Variants in EML6 observed in about 807,000 individuals in gnomAD.
The protein encoded by EML6 is EMAP like 6.
Under a neutral mutation model 240.1 loss-of-function variants are expected in EML6, and 154 were observed. The observed-to-expected ratio is 0.64, with a 90% CI of 0.56 to 0.73. The LOEUF (loss-of-function observed/expected upper bound fraction) is 0.73, where lower values mean the gene tolerates loss of function less well. EML6 is among the 30% of genes least tolerant of loss of function. The pLI is 0.00. For synonymous variants in EML6, 1,148 were observed against 899.0 expected (o/e 1.28, Z -4.95); for missense variants, 2,964 against 2,474.6 (o/e 1.20, Z -4.20).
At position 54,968,181 on chromosome 2, in the gene EML6, A is replaced by G; in HGVS notation, c.5651A>G (p.Asp1884Gly). 1 of 1,551,708 alleles carries G rather than the reference A, an allele frequency of 6.4e-7. No individual in the cohort carries two copies. The highest frequency in any genetic ancestry group is 8.7e-7 in the Non-Finnish European group (1 of 1,147,004). Reference protein sequence around the residue: ...GIWPRNADKADVNCACVTHAG... With the variant: ...GIWPRNADKAGVNCACVTHAG... ...TGGCCACGAAATGCAGACAAGGCTG[A>G]TGTCAACTGCGCATGTGTGACCCAC... Residue 1884 changes from aspartate (D) to glycine (G), a missense_variant, in exon 40 of 42, where the codon GAT (aspartate) becomes GGT (glycine). By Grantham distance (94) the Asp-to-Gly change is moderately conservative (BLOSUM62 -1). Coordinates refer to ENST00000356458, the MANE Select transcript of EML6 (RefSeq NM_001039753.4).
intron 28 of EML6, among the ~76,000 whole-genome samples, chr2:54,933,104 TG>T (rs1674946427): frequency 6.6e-6 from 1 of 152,088 alleles, no homozygotes; most frequent in Non-Finnish European, 1.5e-5. Context: ...GGTAGAAAAA[TG>T]GCTGCAGAAC....
intron 2 of EML6, among the ~76,000 whole-genome samples, chr2:54,800,299 A>G (rs910104327): frequency 5.3e-5 from 8 of 152,180 alleles, no homozygotes; most frequent in East Asian, 1.9e-4. Flanking sequence ...TAAAGGGTCA[A>G]ATAGCTCAGA....
chr2:54,931,263 G>C (rs1674849515), intron 28 of EML6, among the ~76,000 whole-genome samples: 1 of 151,980 alleles, frequency 6.6e-6, no homozygotes, highest in South Asian at 2.1e-4. Context: ...GGCGACCGTA[G>C]GCATCTTCTG....
At chr2:54,939,557 C>G (rs561709318) in intron 28 of EML6, among the ~76,000 whole-genome samples, 1 of 152,238 alleles carries the variant, frequency 6.6e-6, no homozygotes, top group African/African-American at 2.4e-5. Context: ...TTTGGCTGAT[C>G]GCAGCTGTCA....
intron 2 of EML6, among the ~76,000 whole-genome samples, chr2:54,744,185 G>A (rs1307062651): frequency 1.3e-5 from 2 of 152,148 alleles, no homozygotes; most frequent in Admixed American, 1.3e-4. Context: ...AAATGCAGCT[G>A]TGAGACAGGC....
chr2:54,837,303 T>C (rs566025940), intron 7 of EML6, among the ~76,000 whole-genome samples: 16 of 152,268 alleles, frequency 1.1e-4, no homozygotes, highest in Admixed American at 2.0e-4. Context: ...TCATTTTTTT[T>C]CCCCCTATTG....
chr2:54,883,295 A>G (rs1247701993), intron 17 of EML6, among the ~76,000 whole-genome samples: 1 of 152,146 alleles, frequency 6.6e-6, no homozygotes. Context: ...TCACTCACTA[A>G]TACATCATCT....
At chr2:54,869,426 G>T in intron 15 of EML6, 59 bp downstream of exon 15, 2 of 1,291,394 alleles carry the variant, frequency 1.5e-6, no homozygotes, top group Non-Finnish European at 2.1e-6. Flanking sequence ...TTTGAATTCA[G>T]TTTACATATT....
chr2:54,799,932 T>C (rs1470990536), intron 2 of EML6, among the ~76,000 whole-genome samples: 1 of 152,138 alleles, frequency 6.6e-6, no homozygotes, highest in Admixed American at 6.6e-5. Flanking sequence ...AGCAAACTGG[T>C]TGGTACACTT....
intron 7 of EML6, among the ~76,000 whole-genome samples, chr2:54,841,082 A>G (rs1572983341): frequency 1.6e-5 from 2 of 123,608 alleles, no homozygotes; most frequent in South Asian, 6.0e-4. Flanking sequence ...AGGGTAGGCA[A>G]AGAGATCAGG....
At chr2:54,886,912 C>T (rs1039628571) in intron 17 of EML6, among the ~76,000 whole-genome samples, 4 of 152,046 alleles carry the variant, frequency 2.6e-5, no homozygotes, top group Non-Finnish European at 5.9e-5. Flanking sequence ...CGGTGGTATA[C>T]CAGAGAGTAG....
chr2:54,790,916 G>A (rs906995882), intron 2 of EML6, among the ~76,000 whole-genome samples: 18 of 151,672 alleles, frequency 1.2e-4, no homozygotes, highest in South Asian at 2.1e-4. Flanking sequence ...TAGTAGAGAC[G>A]GGGTTTCACC....
Position 54,812,389 on chromosome 2 carries a change from T to C in EML6, c.198-843T>C, listed in dbSNP as rs545137596. Among the ~76,000 whole-genome samples the C allele has an allele frequency of 5.3e-5, 8 of 152,270 alleles. No homozygotes were observed. In the South Asian group the frequency reaches 1.7e-3, roughly 32 times the overall value. On this transcript the variant is annotated intron_variant, in intron 2 of 41. Coordinates refer to ENST00000356458, the MANE Select transcript of EML6 (RefSeq NM_001039753.4). ...ATACTGAAAATTGGAATGGGAAAAT[T>C]TGTATTTGTTGATTGTATAAGCAGA...
intron 16 of EML6, among the ~76,000 whole-genome samples, chr2:54,875,505 C>T (rs568144113): frequency 6.6e-6 from 1 of 152,320 alleles, no homozygotes; most frequent in African/African-American, 2.4e-5. Flanking sequence ...GCGTGCTTGT[C>T]TCTTACTAGA....
chr2:54,776,547 C>T (rs1172229195), intron 2 of EML6, among the ~76,000 whole-genome samples: 1 of 152,036 alleles, frequency 6.6e-6, no homozygotes. Flanking sequence ...TTTTCTTTCA[C>T]TGGTTTTAAT....
chr2:54,884,264 G>T lies in EML6; in HGVS notation c.2438+4624G>T, dbSNP rs1427634578. On this transcript the variant is annotated intron_variant, in intron 17 of 41. Transcript: ENST00000356458. ...TGGTTGGGAAGCTATATAGGGCAAGGCACGTAGGAAGGGGCACAGAGCTTC... is the reference window on the plus strand; with the variant it reads ...TGGTTGGGAAGCTATATAGGGCAAGTCACGTAGGAAGGGGCACAGAGCTTC... Among the ~76,000 whole-genome samples, 11 of 152,230 alleles carry T rather than the reference G, an allele frequency of 7.2e-5. 1 individual carries two copies. The highest frequency in any genetic ancestry group is 2.6e-4 in the African/African-American group (11 of 41,532).
intron 10 of EML6, among the ~76,000 whole-genome samples, chr2:54,851,273 C>T (rs904437106): frequency 6.6e-6 from 1 of 152,050 alleles, no homozygotes; most frequent in African/African-American, 2.4e-5. Flanking sequence ...ATCAGCCAGG[C>T]GCGGTGGCGG....
intron 2 of EML6, among the ~76,000 whole-genome samples, chr2:54,764,295 C>T (rs929515066): frequency 1.4e-4 from 22 of 152,170 alleles, no homozygotes; most frequent in African/African-American, 5.1e-4. Flanking sequence ...TTATTAGTTA[C>T]ACGTTATGAA....
intron 24 of EML6, among the ~76,000 whole-genome samples, chr2:54,910,598 A>G (rs1295086339): frequency 6.6e-6 from 1 of 152,222 alleles, no homozygotes; most frequent in Non-Finnish European, 1.5e-5. Context: ...TTGCCAACAC[A>G]GTTTGCTGAG....
Sources: allele counts gnomAD v4.1 joint callset (sites outside exome capture counted in the v4.1 genomes callset), GRCh38; gene constraint gnomAD v4.1.1; transcripts MANE v1.5; gene names NCBI Gene and HGNC (gene_info 2026-07-23, HGNC 2026-07-21).